LRRC53: variants seen among roughly 807,000 people sequenced by gnomAD.
LRRC53 encodes the protein leucine-rich repeat-containing protein 53.
LRRC53 carries 25 observed loss-of-function variants against 13.6 expected under a neutral mutation model. The observed-to-expected ratio is 1.83, with a 90% CI of 1.34 to 2.56. The LOEUF (loss-of-function observed/expected upper bound fraction) is 2.56, where lower values mean the gene tolerates loss of function less well. Among genes scored for constraint, LRRC53 ranks in the 30% most tolerant of loss-of-function variants. LRRC53 has a pLI of 0.00. For synonymous variants in LRRC53, 204 were observed against 109.8 expected, an observed-to-expected ratio of 1.86 and a Z score of -5.37; for missense variants, 527 against 275.8, an observed-to-expected ratio of 1.91 and a Z score of -6.45.
the LRRC53 span, among the ~76,000 whole-genome samples, chr1:74,520,566 C>T: frequency 3.3e-5 from 5 of 151,874 alleles, no homozygotes; most frequent in African/African-American, 4.8e-5. Flanking sequence ...TTCCTTCCTC[C>T]CTTTCCAAAA....
At chr1:74,474,094 A>G (rs879438036) in intron 4 of LRRC53, among the ~76,000 whole-genome samples, 3 of 152,172 alleles carry the variant, frequency 2.0e-5, no homozygotes, top group Non-Finnish European at 2.9e-5. Flanking sequence ...AATCTGACAA[A>G]CCAGTGTTCT....
intron 1 of LRRC53, among the ~76,000 whole-genome samples, chr1:74,501,755 G>A (rs375997167): frequency 6.6e-6 from 1 of 151,970 alleles, no homozygotes; most frequent in Non-Finnish European, 1.5e-5. Context: ...CCAAAGTGCT[G>A]GGATTACAAG....
At chr1:74,531,543 T>C in the LRRC53 span, among the ~76,000 whole-genome samples, 1 of 152,152 alleles carries the variant, frequency 6.6e-6, no homozygotes, top group Non-Finnish European at 1.5e-5. Flanking sequence ...ACAGATCTGT[T>C]TTAAATAGAT....
At position 74,479,121 on chromosome 1, in the gene LRRC53, TG is replaced by T. The variant is rs552526484; in HGVS notation, c.904+1031del. On this transcript the variant is annotated intron_variant, in intron 3 of 4. Transcript: ENST00000294635. ...GCACATATTTAAAATACGTCAGTCT[TG>T]GATGCCATTTGTTGGTCTCTGGTCT... Among the ~76,000 whole-genome samples, 115 of 152,326 alleles carry T rather than the reference TG, an allele frequency of 7.5e-4. 2 individuals are homozygous for T. The South Asian group carries it at 0.024, about 31-fold the overall frequency.
chr1:74,509,747 C>CTTTTTTTTTTTT (rs68193106), intron 1 of LRRC53, among the ~76,000 whole-genome samples: 1 of 47,784 alleles, frequency 2.1e-5, no homozygotes, highest in African/African-American at 8.5e-5. Context: ...ATCTGAATTT[C>CTTTTTTTTTTTT]TTTTTTTTTT....
intron 1 of LRRC53, among the ~76,000 whole-genome samples, chr1:74,490,050 TAAAAAAAAAAAA>T (rs36063099): frequency 2.3e-5 from 1 of 42,892 alleles, no homozygotes; most frequent in African/African-American, 7.1e-5. Context: ...TTTTTTTTTC[TAAAAAAAAAAAA>T]AAAAAAAAAA....
the LRRC53 span, among the ~76,000 whole-genome samples, chr1:74,526,128 C>A: frequency 3.9e-5 from 6 of 152,180 alleles, no homozygotes; most frequent in Non-Finnish European, 8.8e-5. Context: ...CAATGTTCTG[C>A]ATGTTCAAAG....
At chr1:74,529,050 C>A in the LRRC53 span, among the ~76,000 whole-genome samples, 1 of 151,986 alleles carries the variant, frequency 6.6e-6, no homozygotes, top group Admixed American at 6.6e-5. Flanking sequence ...ATGACAGTGA[C>A]ATCAATAATA....
At chr1:74,523,943 G>T in the LRRC53 span, among the ~76,000 whole-genome samples, 1 of 151,720 alleles carries the variant, frequency 6.6e-6, no homozygotes, top group Non-Finnish European at 1.5e-5. Context: ...CCCCCGACAG[G>T]CCCCAGTGTG....
rs572002800 is a variant in LRRC53, at chr1:74,480,956, G to T, written c.101C>A (p.Thr34Asn). 153 of 714,010 alleles carry T rather than the reference G, an allele frequency of 2.1e-4. No homozygotes were observed. The African/African-American group carries it at 2.6e-3, about 12-fold the overall frequency. The allele number at this position is 714,010 out of a possible 1,614,324, so 44.2% of individuals were successfully genotyped here. ...ATCGGTGATGATTAAAACCCTCGTG[G>T]TCATAGGGGCTGCTGTGGGGAAAAA... is the stretch of plus-strand genomic sequence containing the variant. ...QLTYIVAAPM[T>N]TRVLIITDGY... Residue 34 changes from threonine (T) to asparagine (N), a missense_variant, in exon 3 of 5, where the codon ACC becomes AAC. Transcript: ENST00000294635.
chr1:74,516,274 T>A (rs1344938704), upstream of LRRC53, among the ~76,000 whole-genome samples: 1 of 152,236 alleles, frequency 6.6e-6, no homozygotes, highest in African/African-American at 2.4e-5. Context: ...CATTTGTTTG[T>A]TCACTCATCT....
At chr1:74,518,836 C>A in the LRRC53 span, among the ~76,000 whole-genome samples, 3 of 142,492 alleles carry the variant, frequency 2.1e-5, no homozygotes, top group Non-Finnish European at 4.5e-5. Context: ...AAACAAATTA[C>A]CTTACTTTAT....
At chr1:74,473,718 C>G (rs1349507529) in intron 4 of LRRC53, among the ~76,000 whole-genome samples, 1 of 152,016 alleles carries the variant, frequency 6.6e-6, no homozygotes. Context: ...TTCTGGGTGA[C>G]CTTGGAGAAG....
intron 1 of LRRC53, among the ~76,000 whole-genome samples, chr1:74,484,540 C>A (rs759544976): frequency 1.3e-5 from 2 of 152,108 alleles, no homozygotes; most frequent in Non-Finnish European, 2.9e-5. Context: ...CGCATTGACT[C>A]GAGGGCTCTA....
At chr1:74,509,004 C>A (rs532627376) in intron 1 of LRRC53, among the ~76,000 whole-genome samples, 1 of 152,186 alleles carries the variant, frequency 6.6e-6, no homozygotes, top group African/African-American at 2.4e-5. Context: ...GTTCTACCCA[C>A]GGATGGATAA....
In LRRC53 at chr1:74,469,950, G is replaced by GT. The variant is rs1013140313; in HGVS notation, c.3671dup (p.Asn1224LysfsTer14). Reference sequence around the variant, plus strand: ...GATACAGTACAGGTTTTGGAGCAGAGTTTTCAGCTTCATTTATTCTGCTAG... The same window carrying GT: ...GATACAGTACAGGTTTTGGAGCAGAGTTTTTCAGCTTCATTTATTCTGCTAG... On this transcript the variant is annotated frameshift_variant, in exon 5 of 5. Transcript: ENST00000294635. LOFTEE classifies it low-confidence loss of function (END_TRUNC). 12 of 400,530 alleles carry GT rather than the reference G, an allele frequency of 3.0e-5. No homozygotes were observed. The highest frequency in any genetic ancestry group is 2.5e-4 in the African/African-American group (12 of 48,708). 24.8% of individuals were successfully genotyped at this position (400,530 alleles called of 1,614,324 possible).
At chr1:74,522,610 A>G in the LRRC53 span, among the ~76,000 whole-genome samples, 49 of 152,042 alleles carry the variant, frequency 3.2e-4, 1 homozygote, top group East Asian at 9.1e-3. Context: ...AAATGTAAGT[A>G]GCTGTTTTTC....
chr1:74,511,265 T>C (rs1670206581), intron 1 of LRRC53, among the ~76,000 whole-genome samples: 2 of 151,762 alleles, frequency 1.3e-5, no homozygotes, highest in African/African-American at 4.8e-5. Context: ...CGATCTCGGC[T>C]CACCACAACC....
the LRRC53 span, among the ~76,000 whole-genome samples, chr1:74,528,395 C>T: frequency 1.3e-4 from 19 of 151,918 alleles, no homozygotes; most frequent in African/African-American, 4.1e-4. Flanking sequence ...GGGGAATAGG[C>T]GGGTAGGTGT....
Sources: gnomAD v4.1 joint callset for allele counts (sites outside exome capture counted in the v4.1 genomes callset) on GRCh38, gnomAD v4.1.1 for gene constraint, MANE v1.5 for transcripts, NCBI Gene and HGNC (gene_info 2026-07-23, HGNC 2026-07-21) for gene names.